FAM184A: variants seen among roughly 807,000 people sequenced by gnomAD.
FAM184A encodes protein FAM184A.
In FAM184A, 99 loss-of-function variants were observed where a neutral mutation model predicts 143.8. The ratio of observed to expected loss-of-function variants is 0.69; its 90% confidence interval spans 0.58 to 0.81. The LOEUF is 0.81. FAM184A is among the 40% of genes least tolerant of loss of function. The probability of loss-of-function intolerance (pLI) is 0.00; values close to 1 mark genes in which losing one functional copy is unlikely to be tolerated. For synonymous variants in FAM184A, 427 were observed against 446.4 expected (o/e 0.96, Z 0.55); for missense variants, 1,217 against 1,310.5 (o/e 0.93, Z 1.10).
intron 9 of FAM184A, among the ~76,000 whole-genome samples, chr6:119,001,844 T>C (rs1266527716): frequency 6.6e-6 from 1 of 152,208 alleles, no homozygotes; most frequent in African/African-American, 2.4e-5. Flanking sequence ...CAGTAAAATC[T>C]GTCCTTGTGG....
chr6:119,015,295 G>A (rs147151350), intron 5 of FAM184A, among the ~76,000 whole-genome samples: 2,205 of 152,198 alleles, frequency 0.014, 48 homozygotes, highest in African/African-American at 0.048. Flanking sequence ...GGCCAGAGCC[G>A]GCTCCCTCAA....
chr6:119,020,423 TTTTTG>T (rs1785404023), intron 3 of FAM184A, among the ~76,000 whole-genome samples: 2 of 151,972 alleles, frequency 1.3e-5, no homozygotes. Context: ...TTACTGGTTT[TTTTTG>T]TTTTTGTTTT....
intron 1 of FAM184A, among the ~76,000 whole-genome samples, chr6:119,044,580 C>G (rs1010973851): frequency 2.7e-5 from 4 of 147,250 alleles, no homozygotes; most frequent in African/African-American, 1.0e-4. Flanking sequence ...GAGAACTTGT[C>G]TCTCTTTAAT....
intron 1 of FAM184A, among the ~76,000 whole-genome samples, chr6:119,141,048 T>C (rs1772216831): frequency 6.6e-6 from 1 of 152,234 alleles, no homozygotes. Flanking sequence ...GAGTAGGTGA[T>C]AGGGACAAAG....
intron 1 of FAM184A, among the ~76,000 whole-genome samples, chr6:119,056,695 A>G (rs1323761124): frequency 6.6e-6 from 1 of 152,228 alleles, no homozygotes; most frequent in African/African-American, 2.4e-5. Context: ...TTTATACATG[A>G]TAGAATGAAG....
At chr6:119,123,175 G>T (rs945698879) in intron 1 of FAM184A, among the ~76,000 whole-genome samples, 4 of 151,800 alleles carry the variant, frequency 2.6e-5, no homozygotes, top group African/African-American at 9.7e-5. Context: ...ATCACTTGAG[G>T]TCAGAAATTT....
intron 11 of FAM184A, among the ~76,000 whole-genome samples, chr6:118,976,532 T>TAGG (rs1783853580): frequency 6.6e-6 from 1 of 151,880 alleles, no homozygotes; most frequent in South Asian, 2.1e-4. Context: ...GGCATGGTGG[T>TAGG]AGGTTCCTGT....
chr6:119,076,654 T>A (rs1787881673), intron 1 of FAM184A, among the ~76,000 whole-genome samples: 2 of 152,184 alleles, frequency 1.3e-5, no homozygotes, highest in African/African-American at 4.8e-5. Flanking sequence ...CTCTAGAGGG[T>A]TACATCTAAA....
chr6:119,108,778 G>T (rs1441270544), intron 1 of FAM184A, among the ~76,000 whole-genome samples: 1 of 152,138 alleles, frequency 6.6e-6, no homozygotes, highest in Non-Finnish European at 1.5e-5. Flanking sequence ...TACCTGGGAT[G>T]CTCCTGGGTT....
At chr6:119,086,619 G>A (rs983063288) in intron 1 of FAM184A, among the ~76,000 whole-genome samples, 1 of 152,180 alleles carries the variant, frequency 6.6e-6, no homozygotes, top group Non-Finnish European at 1.5e-5. Flanking sequence ...AGTTTGAGAG[G>A]GATGTCAGAA....
At chr6:119,023,596 C>T (rs1383944959) in intron 2 of FAM184A, among the ~76,000 whole-genome samples, 1 of 124,994 alleles carries the variant, frequency 8.0e-6, no homozygotes, top group Non-Finnish European at 1.6e-5. Flanking sequence ...GCTAAGCTCA[C>T]TCACCCAGGC....
chr6:119,006,454 T>A lies in FAM184A; in HGVS notation c.1808A>T (p.Asn603Ile). ...SLKETKDALL[N>I]VEGELEQERQ... ...GTAGAATTATGAAATTACCTCCACA[T>A]TTAATAGAGCATCCTTGGTCTCCTT... Residue 603 changes from asparagine to isoleucine, a missense_variant, in exon 7 of 18, where the codon AAT becomes ATT. By Grantham distance (149) the Asn-to-Ile change is moderately radical. Coordinates refer to ENST00000338891, the MANE Select transcript of FAM184A (RefSeq NM_024581.6). 6.2e-7 allele frequency: 1 copy of A among 1,608,208 alleles called. No individual in the cohort carries two copies. Among genetic ancestry groups the A allele is most frequent in the Non-Finnish European group, 8.5e-7 (1 of 1,178,488 alleles).
At chr6:118,986,237 G>T (rs1174867121) in intron 9 of FAM184A, among the ~76,000 whole-genome samples, 5 of 152,022 alleles carry the variant, frequency 3.3e-5, no homozygotes, top group Non-Finnish European at 5.9e-5. Context: ...AGCTTGCAGT[G>T]AGCCGAGATT....
At position 118,964,678 on chromosome 6, in the gene FAM184A, G is replaced by A. The variant is rs1484627701; in HGVS notation, c.3127C>T (p.Pro1043Ser). The A allele has an allele frequency of 1.9e-6, 3 of 1,589,156 alleles. No individual in the cohort carries two copies. The highest frequency in any genetic ancestry group is 3.4e-5 in the Admixed American group (2 of 59,430). Residue 1043 changes from proline to serine, a missense_variant, in exon 16 of 18, where the codon CCA (proline) becomes TCA (serine). Physicochemically the swap from Pro to Ser is moderately conservative, Grantham distance 74. Transcript: ENST00000338891. ...NSSPTVGVIN[P>S]LAKQKKKNDK... ...TTTACGGCACATACCTTAGCCAATG[G>A]ATTAATAACACCAACAGTAGGACTT...
In FAM184A at chr6:119,024,681, C is replaced by A; in HGVS notation, c.292G>T (p.Val98Leu). The change falls in exon 2 of 18, where the codon GTA becomes TTA. Residue 98 changes from valine (V) to leucine (L), a missense_variant. Coordinates refer to ENST00000338891, the MANE Select transcript of FAM184A (RefSeq NM_024581.6). ...CTTCTAAGGTCTAGCTCCTCTGTTA[C>A]TTTGCTTTTATACTGCAATATTTTT... ...REKILQYKSKVTEELDLRRKI... is the reference protein window; with the variant it reads ...REKILQYKSKLTEELDLRRKI... The A allele has an allele frequency of 6.2e-7, 1 of 1,614,036 alleles. No individual in the cohort carries two copies. Among genetic ancestry groups the A allele is most frequent in the South Asian group, 1.1e-5 (1 of 91,082 alleles).
At chr6:119,026,321 G>A (rs1785633620) in intron 1 of FAM184A, among the ~76,000 whole-genome samples, 1 of 152,026 alleles carries the variant, frequency 6.6e-6, no homozygotes, top group South Asian at 2.1e-4. Flanking sequence ...ATCCCAAGCA[G>A]GACTCCTTCA....
intron 1 of FAM184A, among the ~76,000 whole-genome samples, chr6:119,111,855 A>G (rs1200932435): frequency 6.6e-6 from 1 of 152,230 alleles, no homozygotes; most frequent in Non-Finnish European, 1.5e-5. Context: ...TATAGACTGA[A>G]TATTTTCATT....
intron 1 of FAM184A, chr6:119,031,300 G>A (rs1416458486): frequency 6.6e-6 from 1 of 152,178 alleles, no homozygotes; most frequent in Non-Finnish European, 1.5e-5. Flanking sequence ...ACCTTTGGGA[G>A]GTAATTAGGT....
intron 5 of FAM184A, among the ~76,000 whole-genome samples, chr6:119,013,816 A>G (rs1474418241): frequency 6.6e-6 from 1 of 152,250 alleles, no homozygotes; most frequent in African/African-American, 2.4e-5. Context: ...GCAGATCTCA[A>G]TTCATATCCT....
Sources: gnomAD v4.1 joint callset for allele counts (sites outside exome capture counted in the v4.1 genomes callset) on GRCh38, gnomAD v4.1.1 for gene constraint, MANE v1.5 for transcripts, NCBI Gene and HGNC (gene_info 2026-07-23, HGNC 2026-07-21) for gene names.